DLG1: variants seen among roughly 807,000 people sequenced by gnomAD.
DLG1 encodes the protein discs large MAGUK scaffold protein 1, also known as disks large homolog 1.
Under a neutral mutation model 123.4 loss-of-function variants are expected in DLG1, and 42 were observed. The observed-to-expected ratio is 0.34, with a 90% CI of 0.27 to 0.44. The LOEUF (loss-of-function observed/expected upper bound fraction) is 0.44. Among genes scored for constraint, DLG1 ranks in the 20% least tolerant of loss-of-function variants. The probability of loss-of-function intolerance (pLI) is 1.00; values close to 1 mark genes in which losing one functional copy is unlikely to be tolerated. For missense variants in DLG1, 942 were observed against 1,082.6 expected (o/e 0.87, Z 1.82); for synonymous variants, 317 against 356.2 (o/e 0.89, Z 1.24).
upstream of DLG1, chr3:197,299,206 C>T (rs1778722006): frequency 6.6e-6 from 1 of 152,210 alleles, no homozygotes; most frequent in East Asian, 1.9e-4. Flanking sequence ...AAGTCACTGC[C>T]CACGTCTTCG....
intron 4 of DLG1, among the ~76,000 whole-genome samples, chr3:197,243,988 C>A (rs1191401204): frequency 1.3e-5 from 2 of 152,200 alleles, no homozygotes; most frequent in African/African-American, 4.8e-5. Context: ...AGTGCAAGTG[C>A]CGCTCCAGTT....
intron 14 of DLG1, among the ~76,000 whole-genome samples, chr3:197,091,771 T>A (rs1019899670): frequency 6.6e-6 from 1 of 152,140 alleles, no homozygotes; most frequent in Middle Eastern, 3.2e-3. Flanking sequence ...ACATATCTTT[T>A]TTCCCCTCTA....
At chr3:197,273,269 A>C (rs1379072562) in intron 4 of DLG1, among the ~76,000 whole-genome samples, 1 of 149,264 alleles carries the variant, frequency 6.7e-6, no homozygotes, top group Non-Finnish European at 1.5e-5. Flanking sequence ...TTTTTTTGAG[A>C]CAGTGTCTTG....
chr3:197,111,516 TAA>T (rs1456319181), intron 13 of DLG1, among the ~76,000 whole-genome samples: 1 of 152,244 alleles, frequency 6.6e-6, no homozygotes, highest in African/African-American at 2.4e-5. Context: ...TCCCTACCAC[TAA>T]GTTTTCCTTA....
chr3:197,204,042 C>T (rs1164780300), intron 4 of DLG1, among the ~76,000 whole-genome samples: 1 of 152,166 alleles, frequency 6.6e-6, no homozygotes, highest in Admixed American at 6.5e-5. Flanking sequence ...ACAAAGAACA[C>T]CTTGCTCACA....
chr3:197,167,009 G>A (rs866451220), intron 5 of DLG1, among the ~76,000 whole-genome samples: 3 of 152,142 alleles, frequency 2.0e-5, no homozygotes, highest in South Asian at 2.1e-4. Flanking sequence ...ACATCTTGCT[G>A]TACCAGAAGA....
At chr3:197,067,096 C>T (rs1439130079) in intron 19 of DLG1, among the ~76,000 whole-genome samples, 1 of 152,052 alleles carries the variant, frequency 6.6e-6, no homozygotes. Context: ...CTTTAATGAG[C>T]AGATCTGTCT....
At chr3:197,191,023 CA>C (rs1310012217) in intron 5 of DLG1, among the ~76,000 whole-genome samples, 3 of 152,020 alleles carry the variant, frequency 2.0e-5, no homozygotes, top group Non-Finnish European at 4.4e-5. Context: ...CAAAACAAAA[CA>C]AAACAACAAC....
At chr3:197,133,854 T>C (rs1456978654) in intron 10 of DLG1, among the ~76,000 whole-genome samples, 1 of 152,130 alleles carries the variant, frequency 6.6e-6, no homozygotes, top group Non-Finnish European at 1.5e-5. Context: ...GAGGAAGGTG[T>C]GTCAAACTCC....
At chr3:197,284,683 A>C (rs966033789) in intron 3 of DLG1, among the ~76,000 whole-genome samples, 1 of 152,226 alleles carries the variant, frequency 6.6e-6, no homozygotes, top group Non-Finnish European at 1.5e-5. Context: ...CTTTGAAAAT[A>C]ATGATACACT....
At chr3:197,238,885 A>G (rs1437954782) in intron 4 of DLG1, among the ~76,000 whole-genome samples, 1 of 152,182 alleles carries the variant, frequency 6.6e-6, no homozygotes, top group Non-Finnish European at 1.5e-5. Flanking sequence ...AAAACAAGAA[A>G]GATCTCAAAT....
At chr3:197,123,297 A>G (rs1430356493) in intron 11 of DLG1, among the ~76,000 whole-genome samples, 1 of 152,230 alleles carries the variant, frequency 6.6e-6, no homozygotes, top group Admixed American at 6.5e-5. Context: ...AATTTTATCC[A>G]TCAAAAAGTA....
rs1250101923 is a variant in DLG1 at position 197,089,756 on chromosome 3, T to C, written c.1661+1156A>G. On this transcript the variant is annotated intron_variant, in intron 15 of 24. Coordinates refer to ENST00000667157, the MANE Select transcript of DLG1 (RefSeq NM_001366207.1). ...AAGTGTAAAAAAGAGAGTAGAAAAA[T>C]CCATGTTCTTCCTTCTTCGATATAT... is the stretch of plus-strand genomic sequence containing the variant. Among the ~76,000 whole-genome samples, 2 of 151,714 alleles carry C rather than the reference T, an allele frequency of 1.3e-5. 1 individual carries two copies. Among genetic ancestry groups the C allele is most frequent in the Non-Finnish European group, 2.9e-5 (2 of 67,942 alleles).
chr3:197,148,430 AAAGAG>A (rs1792211448), intron 6 of DLG1, among the ~76,000 whole-genome samples: 1 of 150,128 alleles, frequency 6.7e-6, no homozygotes, highest in African/African-American at 2.4e-5. Context: ...AAAAAAAAAA[AAAGAG>A]AGAGAATACA....
chr3:197,186,767 G>A (rs943167107), intron 5 of DLG1, among the ~76,000 whole-genome samples: 4 of 152,104 alleles, frequency 2.6e-5, no homozygotes, highest in South Asian at 2.1e-4. Flanking sequence ...TTTTTGAGAC[G>A]GAGTCTCACT....
chr3:197,076,464 C>T, intron 18 of DLG1, 122 bp downstream of exon 18: 1 of 620,364 alleles, frequency 1.6e-6, no homozygotes, highest in Admixed American at 2.8e-5. Context: ...GTTAAGTTGC[C>T]CTTGAAGACA....
At chr3:197,250,607 T>C (rs918777561) in intron 4 of DLG1, among the ~76,000 whole-genome samples, 6 of 147,218 alleles carry the variant, frequency 4.1e-5, no homozygotes, top group Admixed American at 6.8e-5. Flanking sequence ...AAGAAAGAAA[T>C]TTAAAAAGCA....
At chr3:197,279,104 G>A (rs1287374570) in intron 4 of DLG1, among the ~76,000 whole-genome samples, 1 of 152,124 alleles carries the variant, frequency 6.6e-6, no homozygotes, top group Admixed American at 6.5e-5. Context: ...TGCCCCAAGA[G>A]TCTAAAGTAG....
rs569188634 is a variant in DLG1 at position 197,280,447 on chromosome 3, A to G, written c.318+2232T>C. Among the ~76,000 whole-genome samples, 17 of 152,226 alleles carry G rather than the reference A, an allele frequency of 1.1e-4. No homozygotes were observed. In the South Asian group the frequency reaches 2.3e-3, roughly 20 times the overall value. On this transcript the variant is annotated intron_variant, in intron 4 of 24. Coordinates refer to ENST00000667157, the MANE Select transcript of DLG1 (RefSeq NM_001366207.1). The stretch of plus-strand genomic sequence containing the variant: ...TGGCCACTGTGAATAGTGCTGCAAT[A>G]AACATGGGGGTGCAGGTATCCCTTT...
Sources: allele counts gnomAD v4.1 joint callset (sites outside exome capture counted in the v4.1 genomes callset), GRCh38; gene constraint gnomAD v4.1.1; transcripts MANE v1.5; gene names NCBI Gene and HGNC (gene_info 2026-07-23, HGNC 2026-07-21).